MBOAT2: variants seen among roughly 807,000 people sequenced by gnomAD.
MBOAT2 encodes the protein membrane bound glycerophospholipid O-acyltransferase 2, also known as membrane-bound glycerophospholipid O-acyltransferase 2.
Under a neutral mutation model 63.4 loss-of-function variants are expected in MBOAT2, and 28 were observed. The ratio of observed to expected loss-of-function variants is 0.44; its 90% CI spans 0.33 to 0.61. The LOEUF (loss-of-function observed/expected upper bound fraction) is 0.61. Among genes scored for constraint, MBOAT2 ranks in the 20% least tolerant of loss-of-function variants. The pLI, the probability that MBOAT2 is intolerant of heterozygous loss-of-function variation, is 0.03. For synonymous variants in MBOAT2, 211 were observed against 215.6 expected (o/e 0.98, Z 0.19); for missense variants, 470 against 605.8 (o/e 0.78, Z 2.35).
intron 6 of MBOAT2, among the ~76,000 whole-genome samples, chr2:8,878,518 A>C (rs1184320756): frequency 2.0e-5 from 3 of 152,160 alleles, no homozygotes; most frequent in Non-Finnish European, 2.9e-5. Context: ...TACCCTCATA[A>C]ACAGTTTTTT....
At chr2:8,892,293 T>A (rs1201828485) in intron 4 of MBOAT2, among the ~76,000 whole-genome samples, 3 of 152,196 alleles carry the variant, frequency 2.0e-5, no homozygotes, top group Non-Finnish European at 4.4e-5. Context: ...GGCAAACTGT[T>A]AACTGTTCAC....
At chr2:9,002,614 C>T (rs947316796) in intron 1 of MBOAT2, among the ~76,000 whole-genome samples, 9 of 151,722 alleles carry the variant, frequency 5.9e-5, no homozygotes, top group Non-Finnish European at 1.2e-4. Flanking sequence ...TACACCCCCG[C>T]CCCCCAGCCC....
intron 3 of MBOAT2, among the ~76,000 whole-genome samples, chr2:8,941,888 G>A (rs1668076100): frequency 6.6e-6 from 1 of 152,096 alleles, no homozygotes; most frequent in Admixed American, 6.5e-5. Flanking sequence ...TATTACTTTT[G>A]CTTTGGCCAA....
At chr2:8,904,564 G>C (rs1370332130) in intron 4 of MBOAT2, among the ~76,000 whole-genome samples, 1 of 152,052 alleles carries the variant, frequency 6.6e-6, no homozygotes, top group African/African-American at 2.4e-5. Context: ...TCCCACCTTG[G>C]CCTCCCAAAG....
intron 3 of MBOAT2, among the ~76,000 whole-genome samples, chr2:8,912,299 A>G (rs992811503): frequency 2.1e-5 from 1 of 46,844 alleles, no homozygotes; most frequent in South Asian, 9.2e-4. Flanking sequence ...GAAAAGAAAG[A>G]AAAGAAAGAA....
At chr2:8,922,629 A>G (rs1371957708) in intron 3 of MBOAT2, among the ~76,000 whole-genome samples, 1 of 152,196 alleles carries the variant, frequency 6.6e-6, no homozygotes, top group African/African-American at 2.4e-5. Context: ...GTGGTCAGTC[A>G]ATGATTAGTC....
intron 3 of MBOAT2, among the ~76,000 whole-genome samples, chr2:8,930,242 T>C (rs953236985): frequency 2.0e-5 from 3 of 152,252 alleles, no homozygotes; most frequent in African/African-American, 7.2e-5. Flanking sequence ...CTGCACGTAC[T>C]TCCCACCTTA....
At chr2:8,981,575 T>C (rs1419411591) in intron 1 of MBOAT2, among the ~76,000 whole-genome samples, 1 of 151,826 alleles carries the variant, frequency 6.6e-6, no homozygotes, top group Non-Finnish European at 1.5e-5. Context: ...GGATCACAAG[T>C]GGAGCTGGTT....
intron 3 of MBOAT2, among the ~76,000 whole-genome samples, chr2:8,937,237 T>A (rs925895729): frequency 8.5e-5 from 13 of 152,250 alleles, no homozygotes; most frequent in African/African-American, 2.9e-4. Context: ...GATCCCAGTG[T>A]TCTAAATGAG....
chr2:8,864,985 A>G (rs1161996203), intron 9 of MBOAT2, among the ~76,000 whole-genome samples: 1 of 152,008 alleles, frequency 6.6e-6, no homozygotes, highest in Non-Finnish European at 1.5e-5. Context: ...TCCCTATCAA[A>G]ACCCTAATTC....
intron 6 of MBOAT2, among the ~76,000 whole-genome samples, chr2:8,880,420 AG>A (rs1162421769): frequency 1.3e-5 from 2 of 152,190 alleles, no homozygotes; most frequent in Non-Finnish European, 2.9e-5. Flanking sequence ...ATGCGGGAGG[AG>A]GAAGGAGGAG....
chr2:8,980,444 C>A (rs936721576), intron 1 of MBOAT2, among the ~76,000 whole-genome samples: 4 of 152,088 alleles, frequency 2.6e-5, no homozygotes, highest in African/African-American at 7.2e-5. Flanking sequence ...TAAGAATAAT[C>A]CCTATCTGCA....
At chr2:8,873,369 G>A (rs768218535) in intron 7 of MBOAT2, 69 bp from the exon 8 acceptor site, 91 of 1,444,100 alleles carry the variant, frequency 6.3e-5, no homozygotes, top group Non-Finnish European at 7.6e-5. Context: ...ATGTATTATC[G>A]ACAGATTAAT....
chr2:8,913,044 T>C (rs906818240), intron 3 of MBOAT2, among the ~76,000 whole-genome samples: 1 of 151,942 alleles, frequency 6.6e-6, no homozygotes, highest in African/African-American at 2.4e-5. Context: ...ACCCAAATAC[T>C]TACAGCCAAC....
rs144727641 is a variant in MBOAT2 at position 8,937,126 on chromosome 2, G to A, written c.299+6061C>T. On this transcript the variant is annotated intron_variant, in intron 3 of 12. Coordinates refer to ENST00000305997, the MANE Select transcript of MBOAT2 (RefSeq NM_138799.4). The stretch of plus-strand genomic sequence containing the variant: ...TACGGTCTGGCAAGAGCTGCTGCAG[G>A]TACAAGAATCAGGGATGAGACTTGC... Among the ~76,000 whole-genome samples, 471 of 152,276 alleles carry A rather than the reference G, an allele frequency of 3.1e-3. 1 individual carries two copies. The highest frequency in any genetic ancestry group is 4.9e-3 in the Non-Finnish European group (336 of 68,020).
intron 1 of MBOAT2, among the ~76,000 whole-genome samples, chr2:8,987,374 AC>A (rs1466921490): frequency 6.6e-6 from 1 of 152,220 alleles, no homozygotes. Flanking sequence ...GTTATGAGTT[AC>A]ACAAGTGTAC....
rs112247148 is a variant in MBOAT2, at chr2:8,894,447, A to G, written c.396-6374T>C. Reference sequence around the variant, plus strand: ...GGATAAAGGCCCACTACTTGCAGGCAGTTGAATGATTCATATCGACCCTAT... The same window carrying G: ...GGATAAAGGCCCACTACTTGCAGGCGGTTGAATGATTCATATCGACCCTAT... On this transcript the variant is annotated intron_variant, in intron 4 of 12. Coordinates refer to ENST00000305997, the MANE Select transcript of MBOAT2 (RefSeq NM_138799.4). Among the ~76,000 whole-genome samples, 200 of 152,352 alleles carry G rather than the reference A, an allele frequency of 1.3e-3. 1 individual carries two copies. The highest frequency in any genetic ancestry group is 4.6e-3 in the African/African-American group (190 of 41,586).
chr2:8,959,986 A>G (rs1033066784), intron 1 of MBOAT2, among the ~76,000 whole-genome samples: 3 of 152,242 alleles, frequency 2.0e-5, no homozygotes, highest in African/African-American at 7.2e-5. Flanking sequence ...CTAAAGACAC[A>G]GACAAGTATG....
chr2:8,951,740 G>C (rs1171117272), intron 2 of MBOAT2, among the ~76,000 whole-genome samples: 1 of 152,204 alleles, frequency 6.6e-6, no homozygotes, highest in East Asian at 1.9e-4. Context: ...AATAGTCTCT[G>C]AGGATCTTTT....
Sources: gnomAD v4.1 joint callset for allele counts (sites outside exome capture counted in the v4.1 genomes callset) on GRCh38, gnomAD v4.1.1 for gene constraint, MANE v1.5 for transcripts, NCBI Gene and HGNC (gene_info 2026-07-23, HGNC 2026-07-21) for gene names.